The following OXR1 variants were observed in gnomAD, a reference collection of about 807,000 sequenced individuals.
The protein encoded by OXR1 is oxidation resistance 1.
In OXR1, 41 loss-of-function variants were observed where a neutral mutation model predicts 104.6. That is an observed-to-expected ratio of 0.39 (90% CI 0.31 to 0.51). OXR1 has a LOEUF of 0.51. Among genes scored for constraint, OXR1 ranks in the 20% least tolerant of loss-of-function variants. OXR1 has a pLI of 0.77. For synonymous variants in OXR1, 348 were observed against 348.4 expected (o/e 1.00, Z 0.01); for missense variants, 955 against 1,031.9 (o/e 0.93, Z 1.02).
At chr8:106,335,087 T>C (rs1314522507) in intron 1 of OXR1, among the ~76,000 whole-genome samples, 5 of 151,754 alleles carry the variant, frequency 3.3e-5, no homozygotes, top group Non-Finnish European at 4.4e-5. Flanking sequence ...CTTGTCCTAA[T>C]CACTTCACAA....
chr8:106,472,999 A>G (rs1305281386), intron 2 of OXR1, among the ~76,000 whole-genome samples: 1 of 151,890 alleles, frequency 6.6e-6, no homozygotes, highest in African/African-American at 2.4e-5. Context: ...TACCCAAATT[A>G]TACATTACTT....
At chr8:106,509,772 C>T (rs1435366285) in intron 2 of OXR1, among the ~76,000 whole-genome samples, 4 of 151,964 alleles carry the variant, frequency 2.6e-5, no homozygotes, top group African/African-American at 9.7e-5. Context: ...CTCCAACAAA[C>T]ATTCTTTATT....
chr8:106,399,647 G>A (rs1399502802), intron 2 of OXR1, among the ~76,000 whole-genome samples: 1 of 152,138 alleles, frequency 6.6e-6, no homozygotes, highest in African/African-American at 2.4e-5. Context: ...GAGTCATACA[G>A]GGATGGGATT....
In OXR1 at chr8:106,377,538, C is replaced by G. The variant is rs193210195; in HGVS notation, c.23+17902C>G. ...ATTTGACGCAATCAGGGTAAGTTAG[C>G]TGTAAGTATGACCACAAGACAACTA... On this transcript the variant is annotated intron_variant, in intron 2 of 16. Coordinates refer to ENST00000517566, the MANE Select transcript of OXR1 (RefSeq NM_001198533.2). Among the ~76,000 whole-genome samples, 233 of 152,188 alleles carry G rather than the reference C, an allele frequency of 1.5e-3. 1 individual carries two copies. Among genetic ancestry groups the G allele is most frequent in the Non-Finnish European group, 2.6e-3 (177 of 67,998 alleles).
intron 10 of OXR1, among the ~76,000 whole-genome samples, chr8:106,713,422 G>T (rs1831907783): frequency 2.0e-5 from 3 of 151,836 alleles, no homozygotes; most frequent in African/African-American, 7.2e-5. Context: ...TTGGAAAATT[G>T]TATATAATGT....
chr8:106,403,010 C>T (rs1020181533), intron 2 of OXR1, among the ~76,000 whole-genome samples: 5 of 152,004 alleles, frequency 3.3e-5, no homozygotes, highest in African/African-American at 4.8e-5. Context: ...TTAGTACAGA[C>T]GGGGTTTCAC....
Position 106,339,532 on chromosome 8 carries a change from A to T in OXR1, c.-138-19944A>T, listed in dbSNP as rs866477092. On this transcript the variant is annotated intron_variant, in intron 1 of 16. Coordinates refer to ENST00000517566, the MANE Select transcript of OXR1 (RefSeq NM_001198533.2). ...AAAAAAAAAAAAAATATATATATAT[A>T]TATATATATATATATATATATATAA... is the stretch of plus-strand genomic sequence containing the variant. Among the ~76,000 whole-genome samples the T allele has an allele frequency of 9.6e-4, 75 of 78,532 alleles. 1 individual carries two copies. The highest frequency in any genetic ancestry group is 7.2e-3 in the African/African-American group (71 of 9,900). 51.5% of individuals were successfully genotyped at this position (78,532 alleles called of 152,430 possible). A position where few individuals can be genotyped will look rare whatever the true frequency, so the allele number is the denominator to read the frequency against.
At chr8:106,562,494 A>G (rs559616888) in intron 3 of OXR1, among the ~76,000 whole-genome samples, 1 of 152,222 alleles carries the variant, frequency 6.6e-6, no homozygotes, top group Non-Finnish European at 1.5e-5. Flanking sequence ...CCTATGTTAG[A>G]CTGCTGTACC....
chr8:106,672,524 G>A (rs1407695227), intron 3 of OXR1, among the ~76,000 whole-genome samples: 2 of 149,238 alleles, frequency 1.3e-5, no homozygotes, highest in African/African-American at 4.9e-5. Flanking sequence ...GAAAGAGAGA[G>A]AGAGAGAGAA....
intron 2 of OXR1, among the ~76,000 whole-genome samples, chr8:106,511,795 A>AGAT (rs1255139364): frequency 6.6e-6 from 1 of 152,214 alleles, no homozygotes; most frequent in Non-Finnish European, 1.5e-5. Context: ...GCTGAAGTTT[A>AGAT]TCTATTTCTC....
intron 1 of OXR1, among the ~76,000 whole-genome samples, chr8:106,357,681 C>T (rs12680041): frequency 0.065 from 9,908 of 151,924 alleles, 344 homozygotes; most frequent in Non-Finnish European, 0.073. Context: ...ATCATTAATA[C>T]TAATAGTAAT....
chr8:106,490,266 C>A (rs989248582), intron 2 of OXR1, among the ~76,000 whole-genome samples: 2 of 152,104 alleles, frequency 1.3e-5, no homozygotes, highest in Admixed American at 1.3e-4. Flanking sequence ...TGGTCAGTGT[C>A]ATGAGAGAGA....
At chr8:106,281,513 C>T in intron 1 of OXR1, among the ~76,000 whole-genome samples, 1 of 152,090 alleles carries the variant, frequency 6.6e-6, no homozygotes, top group East Asian at 1.9e-4. Context: ...TAGATTAAGA[C>T]AGTTATATGC....
At chr8:106,506,189 G>A (rs185567229) in intron 2 of OXR1, among the ~76,000 whole-genome samples, 8 of 152,286 alleles carry the variant, frequency 5.3e-5, no homozygotes, top group Admixed American at 3.3e-4. Flanking sequence ...AGGAAAGTCA[G>A]GGTCAAGTTT....
intron 1 of OXR1, among the ~76,000 whole-genome samples, chr8:106,274,606 C>G (rs560508565): frequency 1.5e-5 from 2 of 136,264 alleles, no homozygotes; most frequent in Non-Finnish European, 3.3e-5. Context: ...CGCCACCCCC[C>G]CCCCGACCCC....
intron 1 of OXR1, among the ~76,000 whole-genome samples, chr8:106,270,705 A>G (rs970717146): frequency 1.3e-5 from 2 of 150,710 alleles, no homozygotes; most frequent in Non-Finnish European, 2.9e-5. Flanking sequence ...GAGCCCGGCC[A>G]GGGACAGCCG....
chr8:106,307,633 A>G (rs947152437), intron 1 of OXR1, among the ~76,000 whole-genome samples: 1 of 151,982 alleles, frequency 6.6e-6, no homozygotes, highest in African/African-American at 2.4e-5. Flanking sequence ...AAGGGCAGGA[A>G]CCCTATGTGG....
chr8:106,549,245 T>G (rs1267153406), intron 3 of OXR1, among the ~76,000 whole-genome samples: 98 of 51,846 alleles, frequency 1.9e-3, no homozygotes, highest in African/African-American at 4.2e-3. Flanking sequence ...ATATCAAACA[T>G]TTTTTTTTTT....
chr8:106,272,151 C>G (rs1180189859), intron 1 of OXR1: 1 of 152,150 alleles, frequency 6.6e-6, no homozygotes, highest in African/African-American at 2.4e-5. Context: ...AATTTCTGTG[C>G]AAAAACACCT....
Sources: allele counts gnomAD v4.1 joint callset (sites outside exome capture counted in the v4.1 genomes callset), GRCh38; gene constraint gnomAD v4.1.1; transcripts MANE v1.5; gene names NCBI Gene and HGNC (gene_info 2026-07-23, HGNC 2026-07-21).